TNIP2: variants seen among roughly 807,000 people sequenced by gnomAD.
TNIP2 encodes the protein TNFAIP3 interacting protein 2, also known as TNFAIP3-interacting protein 2.
Under a neutral mutation model 43.7 loss-of-function variants are expected in TNIP2, and 30 were observed. That is an observed-to-expected ratio of 0.69 (90% confidence interval 0.51 to 0.93). The LOEUF is 0.93. Among genes scored for constraint, TNIP2 ranks in the 40% least tolerant of loss-of-function variants. The pLI, the probability that TNIP2 is intolerant of heterozygous loss-of-function variation, is 0.00. For missense variants in TNIP2, 599 were observed against 591.0 expected (o/e 1.01, Z -0.14); for synonymous variants, 260 against 254.6 (o/e 1.02, Z -0.20).
chr4:2,747,710 C>T lies in TNIP2; in HGVS notation c.512G>A (p.Cys171Tyr). The change falls in exon 2 of 6, where the codon TGT becomes TAT. Residue 171 changes from cysteine (C) to tyrosine (Y), a missense_variant. Transcript: ENST00000315423. ...TAHMCQHLAK[C>Y]LDERQHAQRN... is the part of the protein sequence containing the mutation. The stretch of plus-strand genomic sequence containing the variant: ...TTGTGCATGCTGTCGTTCATCCAGA[C>T]ACTTGGCCAGATGCTGACACATGTG... 6.2e-7 allele frequency: 1 copy of T among 1,604,610 alleles called. No homozygotes were observed. The highest frequency in any genetic ancestry group is 8.5e-7 in the Non-Finnish European group (1 of 1,179,964).
chr4:2,749,273 T>C (rs1442959066), intron 1 of TNIP2, among the ~76,000 whole-genome samples: 1 of 152,198 alleles, frequency 6.6e-6, no homozygotes, highest in Non-Finnish European at 1.5e-5. Flanking sequence ...CACCCAGTTA[T>C]CATCAAATTA....
At position 2,747,795 on chromosome 4, in the gene TNIP2, G is replaced by A; in HGVS notation, c.427C>T (p.Leu143=). 6.2e-7 allele frequency: 1 copy of A among 1,612,652 alleles called. No individual in the cohort carries two copies. Among genetic ancestry groups the A allele is most frequent in the South Asian group, 1.1e-5 (1 of 91,088 alleles). Residue 143 remains leucine, a synonymous_variant, in exon 2 of 6, where the codon CTG becomes TTG. Coordinates refer to ENST00000315423, the MANE Select transcript of TNIP2 (RefSeq NM_024309.4). ...GTCTCGTTGGCCAAGGAGCGGCACA[G>A]GACGTCACTGGCGGCCCGGGCGCGC... ...GERARAASDV[L]CRSLANETHQ...
chr4:2,742,255 G>C lies in TNIP2; in HGVS notation c.*2C>G. Reference sequence around the variant, plus strand: ...GGCCGCAAGGGCACGGGTGAGTCTCGGTCACTGGCAGCACTCAGCCACATG... The same window carrying C: ...GGCCGCAAGGGCACGGGTGAGTCTCCGTCACTGGCAGCACTCAGCCACATG... On this transcript the variant is annotated 3_prime_UTR_variant, in exon 6 of 6. Coordinates refer to ENST00000315423, the MANE Select transcript of TNIP2 (RefSeq NM_024309.4). 2 of 1,474,968 alleles carry C rather than the reference G, an allele frequency of 1.4e-6. No individual in the cohort carries two copies. The highest frequency in any genetic ancestry group is 1.8e-6 in the Non-Finnish European group (2 of 1,108,340). The allele number at this position is 1,474,968 out of a possible 1,614,324, so 91.4% of individuals were successfully genotyped here.
At chr4:2,746,919 G>A (rs746133056) in intron 2 of TNIP2, among the ~76,000 whole-genome samples, 1 of 152,186 alleles carries the variant, frequency 6.6e-6, no homozygotes, top group Non-Finnish European at 1.5e-5. Context: ...GGTTTCTCCT[G>A]ATGCTGAAAC....
At chr4:2,754,478 A>G (rs1015875843) in intron 1 of TNIP2, among the ~76,000 whole-genome samples, 5 of 152,158 alleles carry the variant, frequency 3.3e-5, no homozygotes, top group African/African-American at 1.2e-4. Context: ...GTGCAGTGGC[A>G]CAATCTCGGC....
Position 2,744,867 on chromosome 4 carries a change from T to G in TNIP2, c.736A>C (p.Arg246=). Residue 246 remains arginine (R), a synonymous_variant, in exon 4 of 6, where the codon AGG becomes CGG. Coordinates refer to ENST00000315423, the MANE Select transcript of TNIP2 (RefSeq NM_024309.4). This position sits in a 1 kb window ranked among gnomAD's most constrained non-coding sequence, Gnocchi z 5.1. ...EYVRGLHAQL[R]GLQIPHEPEL... Reference sequence around the variant, plus strand: ...GGCTCGTGGGGGATCTGCAGCCCCCTGAGCTGCGCATGGAGCCCCCTCACG... The same window carrying G: ...GGCTCGTGGGGGATCTGCAGCCCCCGGAGCTGCGCATGGAGCCCCCTCACG... 6.2e-7 allele frequency: 1 copy of G among 1,613,994 alleles called. No homozygotes were observed. The highest frequency in any genetic ancestry group is 8.5e-7 in the Non-Finnish European group (1 of 1,180,006).
chr4:2,747,868 C>G lies in TNIP2; in HGVS notation c.354G>C (p.Glu118Asp), dbSNP rs751492322. 3.1e-6 allele frequency: 5 copies of G among 1,613,778 alleles called. No homozygotes were observed. In the South Asian group the frequency reaches 5.5e-5, roughly 18 times the overall value. The change falls in exon 2 of 6, where the codon GAG (glutamate) becomes GAC (aspartate). Residue 118 changes from glutamate (E) to aspartate (D), a missense_variant. Physicochemically the swap from Glu to Asp is conservative, Grantham distance 45. Coordinates refer to ENST00000315423, the MANE Select transcript of TNIP2 (RefSeq NM_024309.4). ...MQQLLSQPQHEREKEVVLLRR... is the reference protein window; with the variant it reads ...MQQLLSQPQHDREKEVVLLRR... The stretch of plus-strand genomic sequence containing the variant: ...GTAGCAGGACGACTTCCTTCTCTCG[C>G]TCGTGTTGGGGCTGGCTCAGCAGCT...
At chr4:2,755,625 G>A (rs745353921) in intron 1 of TNIP2, among the ~76,000 whole-genome samples, 2 of 116,922 alleles carry the variant, frequency 1.7e-5, no homozygotes, top group Non-Finnish European at 3.4e-5. Context: ...ATCCCACTCA[G>A]GACCTGGTCC....
chr4:2,742,112 A>AAGTG lies in TNIP2; in HGVS notation c.*141_*144dup. 1 of 810,810 alleles carries AAGTG rather than the reference A, an allele frequency of 1.2e-6. No individual in the cohort carries two copies. Among genetic ancestry groups the AAGTG allele is most frequent in the Non-Finnish European group, 1.7e-6 (1 of 581,586 alleles). 50.2% of individuals were successfully genotyped at this position (810,810 alleles called of 1,614,324 possible). A position where few individuals can be genotyped will look rare whatever the true frequency, so the allele number is the denominator to read the frequency against. ...GCCTGTTCCATAGCCAAAGGGACCA[A>AAGTG]AGTGAACGATCAGAGTGCCCCGCAA... On this transcript the variant is annotated 3_prime_UTR_variant, in exon 6 of 6. Coordinates refer to ENST00000315423, the MANE Select transcript of TNIP2 (RefSeq NM_024309.4).
chr4:2,744,339 A>G lies in TNIP2; in HGVS notation c.1026+48T>C. On this transcript the variant is annotated intron_variant, in intron 5 of 5. Transcript: ENST00000315423. This position sits in a 1 kb window ranked among gnomAD's most constrained non-coding sequence, Gnocchi z 5.1. ...AGGCTCTAATCTCATGAGAAGAGAAACAAAAACACTAAACCTAAGCAGGAA... is the reference window on the plus strand; with the variant it reads ...AGGCTCTAATCTCATGAGAAGAGAAGCAAAAACACTAAACCTAAGCAGGAA... 6.2e-7 allele frequency: 1 copy of G among 1,611,940 alleles called. No homozygotes were observed. Among genetic ancestry groups the G allele is most frequent in the Non-Finnish European group, 8.5e-7 (1 of 1,178,816 alleles).
intron 1 of TNIP2, among the ~76,000 whole-genome samples, chr4:2,751,978 G>A (rs530468524): frequency 1.4e-3 from 207 of 151,832 alleles, no homozygotes; most frequent in African/African-American, 4.3e-3. Context: ...GCTGGTGGGC[G>A]CCTGTAGTCC....
At position 2,744,862 on chromosome 4, in the gene TNIP2, C is replaced by T. The variant is rs779335187; in HGVS notation, c.741G>A (p.Gly247=). 7 of 1,613,832 alleles carry T rather than the reference C, an allele frequency of 4.3e-6. No homozygotes were observed. The African/African-American group carries it at 9.3e-5, about 22-fold the overall frequency. Residue 247 remains glycine, a synonymous_variant, in exon 4 of 6, where the codon GGG becomes GGA. Coordinates refer to ENST00000315423, the MANE Select transcript of TNIP2 (RefSeq NM_024309.4). The surrounding 1 kb of genome is among the most constrained non-coding windows in gnomAD (Gnocchi z 5.1). ...YVRGLHAQLR[G]LQIPHEPELM... ...GCTCGGGCTCGTGGGGGATCTGCAG[C>T]CCCCTGAGCTGCGCATGGAGCCCCC...
At chr4:2,750,040 T>C (rs565580104) in intron 1 of TNIP2, among the ~76,000 whole-genome samples, 1 of 152,290 alleles carries the variant, frequency 6.6e-6, no homozygotes, top group Admixed American at 6.5e-5. Flanking sequence ...TGGACTTGAG[T>C]GATCCGCCTG....
chr4:2,745,561 G>A (rs1321209767), intron 2 of TNIP2, 26 bp from the exon 3 acceptor site: 4 of 1,530,740 alleles, frequency 2.6e-6, no homozygotes, highest in South Asian at 2.3e-5. Flanking sequence ...ACAGAGAGAA[G>A]ACACTCTGTC....
rs955403379 is a variant in TNIP2 at position 2,742,088 on chromosome 4, C to A, written c.*169G>T. The A allele has an allele frequency of 2.7e-5, 16 of 594,794 alleles. No individual in the cohort carries two copies. The African/African-American group carries it at 3.1e-4, about 11-fold the overall frequency. The allele number at this position is 594,794 out of a possible 1,614,324, so 36.8% of individuals were successfully genotyped here. ...TCACTGGCAGTTCCCTGTGACCCAG[C>A]CTGTTCCATAGCCAAAGGGACCAAA... On this transcript the variant is annotated 3_prime_UTR_variant, in exon 6 of 6. Transcript: ENST00000315423.
chr4:2,747,956 G>C lies in TNIP2; in HGVS notation c.277-11C>G. 7 of 1,607,882 alleles carry C rather than the reference G, an allele frequency of 4.4e-6. No individual in the cohort carries two copies. The highest frequency in any genetic ancestry group is 5.9e-6 in the Non-Finnish European group (7 of 1,178,314). On this transcript the variant is annotated splice_polypyrimidine_tract_variant and intron_variant, in intron 1 of 5. Transcript: ENST00000315423. ...CAGCCTCTCAATTTCCTAAGTGGAAGATTTAAAAGCACAGTTTACTGAATT... is the reference window on the plus strand; with the variant it reads ...CAGCCTCTCAATTTCCTAAGTGGAACATTTAAAAGCACAGTTTACTGAATT...
chr4:2,754,548 C>G (rs990909421), intron 1 of TNIP2, among the ~76,000 whole-genome samples: 1 of 152,216 alleles, frequency 6.6e-6, no homozygotes, highest in Non-Finnish European at 1.5e-5. Context: ...TCCCAAGTAG[C>G]TGGGACTACA....
Position 2,756,234 on chromosome 4 carries a change from G to T in TNIP2, c.56C>A (p.Ala19Glu). The change falls in exon 1 of 6, where the codon GCG becomes GAG. Residue 19 changes from alanine to glutamate, a missense_variant. Transcript: ENST00000315423. ...GWEEAPRAAAALCTLYHEAGQ... is the reference protein window; with the variant it reads ...GWEEAPRAAAELCTLYHEAGQ... ...GGCCTCGTGGTACAGGGTGCAGAGCGCGGCAGCTGCGCGCGGGGCCTCCTC... is the reference window on the plus strand; with the variant it reads ...GGCCTCGTGGTACAGGGTGCAGAGCTCGGCAGCTGCGCGCGGGGCCTCCTC... The T allele has an allele frequency of 6.9e-7, 1 of 1,454,486 alleles. No individual in the cohort carries two copies. The highest frequency in any genetic ancestry group is 9.0e-7 in the Non-Finnish European group (1 of 1,109,292). The allele number at this position is 1,454,486 out of a possible 1,614,324, so 90.1% of individuals were successfully genotyped here.
chr4:2,750,425 A>ATTATT (rs1553919995), intron 1 of TNIP2, among the ~76,000 whole-genome samples: 2 of 78,126 alleles, frequency 2.6e-5, no homozygotes, highest in African/African-American at 4.5e-5. Context: ...TATTATTATT[A>ATTATT]TTATTATTTT....
Sources: gnomAD v4.1 joint callset for allele counts (sites outside exome capture counted in the v4.1 genomes callset) on GRCh38, gnomAD v4.1.1 for gene constraint, Gnocchi (gnomAD v3.1) non-coding constraint, MANE v1.5 for transcripts, NCBI Gene and HGNC (gene_info 2026-07-23, HGNC 2026-07-21) for gene names.